The following CTNNA3 variants were observed in gnomAD, a reference collection of about 807,000 sequenced individuals.
CTNNA3 encodes catenin alpha-3.
In CTNNA3, 76 loss-of-function variants were observed where a neutral mutation model predicts 95.7. The observed-to-expected ratio is 0.79, with a 90% CI of 0.66 to 0.96. CTNNA3 has a LOEUF of 0.96. Ranked by LOEUF, CTNNA3 falls within the 40% of genes least tolerant of loss-of-function variation. The probability of loss-of-function intolerance (pLI) is 0.00; values close to 1 mark genes in which losing one functional copy is unlikely to be tolerated. For missense variants in CTNNA3, 1,191 were observed against 1,089.8 expected (o/e 1.09, Z -1.31); for synonymous variants, 431 against 374.4 (o/e 1.15, Z -1.74).
intron 12 of CTNNA3, among the ~76,000 whole-genome samples, chr10:66,298,107 T>A (rs4354602): frequency 0.48 from 73,722 of 152,018 alleles, 18,254 homozygotes; most frequent in African/African-American, 0.59. Flanking sequence ...GCAGAAATCA[T>A]GAAAGCAGCA....
chr10:66,194,754 A>G (rs147690480), intron 13 of CTNNA3, among the ~76,000 whole-genome samples: 2 of 152,198 alleles, frequency 1.3e-5, no homozygotes, highest in African/African-American at 2.4e-5. Flanking sequence ...TCCATGAGAC[A>G]TGGGTCCTCA....
At chr10:66,610,678 G>A (rs1844297757) in intron 10 of CTNNA3, among the ~76,000 whole-genome samples, 1 of 151,970 alleles carries the variant, frequency 6.6e-6, no homozygotes, top group Non-Finnish European at 1.5e-5. Flanking sequence ...ATTGTTGGTG[G>A]GAATATAAAG....
At chr10:67,065,442 T>C (rs1041182087) in intron 7 of CTNNA3, among the ~76,000 whole-genome samples, 2 of 152,160 alleles carry the variant, frequency 1.3e-5, no homozygotes, top group African/African-American at 4.8e-5. Context: ...ATTCTAATCT[T>C]GTGACAGAGA....
At chr10:66,213,881 T>A (rs1412666502) in intron 13 of CTNNA3, among the ~76,000 whole-genome samples, 2 of 152,272 alleles carry the variant, frequency 1.3e-5, no homozygotes, top group Non-Finnish European at 1.5e-5. Context: ...AGAAGGAAAA[T>A]GTTTCCTCCC....
At chr10:65,934,247 A>G (rs1037918424) in intron 17 of CTNNA3, among the ~76,000 whole-genome samples, 1 of 152,196 alleles carries the variant, frequency 6.6e-6, no homozygotes, top group Non-Finnish European at 1.5e-5. Flanking sequence ...AATAGTTCAG[A>G]TGAAGACAAC....
intron 5 of CTNNA3, among the ~76,000 whole-genome samples, chr10:67,329,928 C>T (rs1841713545): frequency 6.6e-6 from 1 of 152,204 alleles, no homozygotes; most frequent in African/African-American, 2.4e-5. Context: ...CACTCCGCCA[C>T]CTTAGGTGTG....
chr10:66,261,985 A>G (rs114123700), intron 13 of CTNNA3, among the ~76,000 whole-genome samples: 2,832 of 152,016 alleles, frequency 0.019, 101 homozygotes, highest in African/African-American at 0.064. Flanking sequence ...TTCTCCTTCG[A>G]TGGCCCAACC....
At chr10:66,656,719 A>C (rs76029339) in intron 9 of CTNNA3, among the ~76,000 whole-genome samples, 1 of 152,120 alleles carries the variant, frequency 6.6e-6, no homozygotes, top group Non-Finnish European at 1.5e-5. Flanking sequence ...CAGATAAGAC[A>C]TAATGCTTTG....
At chr10:66,214,170 TG>T in intron 13 of CTNNA3, among the ~76,000 whole-genome samples, 1 of 152,298 alleles carries the variant, frequency 6.6e-6, no homozygotes, top group Non-Finnish European at 1.5e-5. Flanking sequence ...TCTACCTCTT[TG>T]GCTGTCTTCA....
At chr10:66,770,982 T>C (rs71496008) in intron 8 of CTNNA3, among the ~76,000 whole-genome samples, 25,717 of 152,094 alleles carry the variant, frequency 0.17, 2,740 homozygotes, top group Non-Finnish European at 0.23. Flanking sequence ...ATGTACTATG[T>C]AAGTTTAGTG....
intron 2 of CTNNA3, among the ~76,000 whole-genome samples, chr10:67,639,276 G>A (rs998691255): frequency 2.6e-5 from 4 of 152,048 alleles, no homozygotes; most frequent in South Asian, 2.1e-4. Flanking sequence ...TAAATTCCTC[G>A]ACACATACAC....
chr10:66,650,250 G>C (rs1202599537), intron 9 of CTNNA3, among the ~76,000 whole-genome samples: 1 of 152,106 alleles, frequency 6.6e-6, no homozygotes, highest in Admixed American at 6.5e-5. Context: ...TACAGAACCC[G>C]GGTGTAGCAC....
In CTNNA3 at chr10:67,377,634, A is replaced by T. The variant is rs1312413094; in HGVS notation, c.579+144208T>A. Among the ~76,000 whole-genome samples, 22 of 7,044 alleles carry T rather than the reference A, an allele frequency of 3.1e-3. No homozygotes were observed. The Non-Finnish European group carries it at 0.038, about 12-fold the overall frequency. The allele number at this position is 7,044 out of a possible 152,430, so 4.6% of individuals were successfully genotyped here. ...TTCTCTATAAAAAGAGCTTATTTTA[A>T]AAAAAATTTTCATTGACATATAATA... On this transcript the variant is annotated intron_variant, in intron 5 of 17. Coordinates refer to ENST00000433211, the MANE Select transcript of CTNNA3 (RefSeq NM_013266.4).
intron 10 of CTNNA3, among the ~76,000 whole-genome samples, chr10:66,532,711 C>T (rs1430959497): frequency 3.9e-5 from 6 of 152,060 alleles, no homozygotes; most frequent in African/African-American, 7.2e-5. Context: ...AGAAAAGTCA[C>T]GCATAAATAT....
rs115735307 is a variant in CTNNA3, at chr10:66,857,425, T to C, written c.1048-81901A>G. On this transcript the variant is annotated intron_variant, in intron 7 of 17. Coordinates refer to ENST00000433211, the MANE Select transcript of CTNNA3 (RefSeq NM_013266.4). ...TTGTTCCACATGAACTTTAAAATAG[T>C]TTTTTGTAATTCTGTGAAGAATGTT... Among the ~76,000 whole-genome samples the C allele has an allele frequency of 4.6e-3, 700 of 152,056 alleles. 5 individuals carry two copies. The highest frequency in any genetic ancestry group is 0.016 in the African/African-American group (660 of 41,498).
intron 3 of CTNNA3, among the ~76,000 whole-genome samples, chr10:67,562,543 G>C (rs1253083131): frequency 1.3e-5 from 2 of 152,142 alleles, no homozygotes; most frequent in Non-Finnish European, 2.9e-5. Context: ...TACTGAATGG[G>C]CAAACACTGG....
chr10:66,447,406 A>G (rs28825756), intron 11 of CTNNA3, among the ~76,000 whole-genome samples: 2,921 of 86,336 alleles, frequency 0.034, 71 homozygotes, highest in African/African-American at 0.046. Context: ...GAGGCATCAC[A>G]CTACCTGACT....
intron 5 of CTNNA3, among the ~76,000 whole-genome samples, chr10:67,296,212 T>C (rs570288476): frequency 6.6e-6 from 1 of 152,272 alleles, no homozygotes; most frequent in South Asian, 2.1e-4. Flanking sequence ...CTCTAAAATA[T>C]TATTAGATGC....
chr10:66,348,961 G>A (rs1192466392), intron 12 of CTNNA3, among the ~76,000 whole-genome samples: 1 of 152,064 alleles, frequency 6.6e-6, no homozygotes, highest in Non-Finnish European at 1.5e-5. Context: ...TGATGTGTCA[G>A]GTAGTCCTTT....
Sources: gnomAD v4.1 joint callset for allele counts (sites outside exome capture counted in the v4.1 genomes callset) on GRCh38, gnomAD v4.1.1 for gene constraint, MANE v1.5 for transcripts, NCBI Gene and HGNC (gene_info 2026-07-23, HGNC 2026-07-21) for gene names.